ABCD3: variants seen among roughly 807,000 people sequenced by gnomAD.
ABCD3 encodes ATP-binding cassette sub-family D member 3.
In ABCD3, 41 loss-of-function variants were observed where a neutral mutation model predicts 105.5. The ratio of observed to expected loss-of-function variants is 0.39; its 90% CI spans 0.30 to 0.50. The LOEUF is 0.50. Among genes scored for constraint, ABCD3 ranks in the 20% least tolerant of loss-of-function variants. The probability of loss-of-function intolerance (pLI) is 0.84; values close to 1 mark genes in which losing one functional copy is unlikely to be tolerated. For synonymous variants in ABCD3, 258 were observed against 269.0 expected (o/e 0.96, Z 0.40); for missense variants, 622 against 806.3 (o/e 0.77, Z 2.77).
intron 10 of ABCD3, among the ~76,000 whole-genome samples, chr1:94,487,128 A>G (rs1442578170): frequency 6.6e-6 from 1 of 152,184 alleles, no homozygotes; most frequent in Non-Finnish European, 1.5e-5. Context: ...CTCCACTGAA[A>G]GCAAAGCATT....
Position 94,498,815 on chromosome 1 carries a change from A to G in ABCD3, c.1497A>G (p.Lys499=). 1 of 1,613,950 alleles carries G rather than the reference A, an allele frequency of 6.2e-7. No homozygotes were observed. The highest frequency in any genetic ancestry group is 8.5e-7 in the Non-Finnish European group (1 of 1,179,934). ...CTCTTTTTGGAGGACGTCTAACTAA[A>G]CCTGAAAGAGGAAAATTATTTTATG... ...LWPLFGGRLT[K]PERGKLFYVP... is the part of the protein sequence containing the mutation. The change falls in exon 18 of 23, where the codon AAA becomes AAG. Residue 499 remains lysine, a synonymous_variant. Transcript: ENST00000370214.
intron 16 of ABCD3, among the ~76,000 whole-genome samples, chr1:94,493,192 A>T (rs571412544): frequency 9.0e-3 from 1,178 of 131,402 alleles, no homozygotes; most frequent in African/African-American, 0.015. Context: ...TTCGCAACCT[A>T]CTCATCTGAC....
At chr1:94,410,939 T>A in the ABCD3 span, among the ~76,000 whole-genome samples, 1 of 151,964 alleles carries the variant, frequency 6.6e-6, no homozygotes, top group African/African-American at 2.4e-5. Flanking sequence ...TGCCAAAGAG[T>A]GACACTGGGC....
intron 1 of ABCD3, among the ~76,000 whole-genome samples, chr1:94,431,369 A>G (rs1254998778): frequency 6.6e-6 from 1 of 152,228 alleles, no homozygotes; most frequent in African/African-American, 2.4e-5. Flanking sequence ...CCACCAAGTC[A>G]AAGTCGAGTG....
chr1:94,399,673 C>A, the ABCD3 span, among the ~76,000 whole-genome samples: 1 of 152,160 alleles, frequency 6.6e-6, no homozygotes, highest in Non-Finnish European at 1.5e-5. Flanking sequence ...CAATCTGCAA[C>A]CCAAATATGG....
At chr1:94,476,748 A>G (rs1232666788) in intron 7 of ABCD3, among the ~76,000 whole-genome samples, 1 of 152,144 alleles carries the variant, frequency 6.6e-6, no homozygotes, top group African/African-American at 2.4e-5. Flanking sequence ...CTTCCAGCCC[A>G]ACTTTGTTAT....
At chr1:94,479,431 A>G (rs947795089) in intron 8 of ABCD3, among the ~76,000 whole-genome samples, 1 of 149,686 alleles carries the variant, frequency 6.7e-6, no homozygotes, top group African/African-American at 2.4e-5. Flanking sequence ...GATCAGATTT[A>G]CTTTTTTTTT....
chr1:94,504,665 T>C (rs536860981), intron 20 of ABCD3, among the ~76,000 whole-genome samples: 2 of 152,120 alleles, frequency 1.3e-5, no homozygotes, highest in Non-Finnish European at 2.9e-5. Flanking sequence ...TTGTAGACTG[T>C]GGTAAGGAGT....
In ABCD3 at chr1:94,517,293, T is replaced by A; in HGVS notation, c.*164T>A. On this transcript the variant is annotated 3_prime_UTR_variant, in exon 23 of 23. Coordinates refer to ENST00000370214, the MANE Select transcript of ABCD3 (RefSeq NM_002858.4). ...TAATGGAGAACAAGTTGTTAAAACA[T>A]TTAATATTATATAGGATATTGCTAA... The A allele has an allele frequency of 1.7e-6, 1 of 587,300 alleles. No individual in the cohort carries two copies. The highest frequency in any genetic ancestry group is 1.9e-5 in the South Asian group (1 of 52,928). 36.4% of individuals were successfully genotyped at this position (587,300 alleles called of 1,614,324 possible).
At position 94,487,723 on chromosome 1, in the gene ABCD3, G is replaced by A; in HGVS notation, c.997G>A (p.Val333Ile). ...YLATVVGYLV[V>I]SRPFLDLSHP... ...TGCCACTGTTGTTGGTTACCTAGTT[G>A]TCAGTCGCCCTTTCTTAGATTTGTC... The change falls in exon 12 of 23, where the codon GTC (valine) becomes ATC (isoleucine). Residue 333 changes from valine to isoleucine, a missense_variant. By Grantham distance (29) the Val-to-Ile change is conservative. This residue lies in a region of ABCD3 where 245 missense variants were observed against 356.4 expected (regional missense o/e 0.69). Transcript: ENST00000370214. The A allele has an allele frequency of 6.2e-7, 1 of 1,614,006 alleles. No homozygotes were observed.
chr1:94,414,464 A>G (rs1340703692), upstream of ABCD3, among the ~76,000 whole-genome samples: 3 of 152,042 alleles, frequency 2.0e-5, no homozygotes, highest in Admixed American at 2.0e-4. Context: ...AGACTATTTC[A>G]TGTGTTCAAA....
At chr1:94,432,053 C>T (rs571071176) in intron 1 of ABCD3, among the ~76,000 whole-genome samples, 1 of 152,236 alleles carries the variant, frequency 6.6e-6, no homozygotes, top group Non-Finnish European at 1.5e-5. Flanking sequence ...TATTTTATGA[C>T]TGGTTCAAGA....
At chr1:94,425,281 A>G (rs1207163210) in intron 1 of ABCD3, among the ~76,000 whole-genome samples, 1 of 152,196 alleles carries the variant, frequency 6.6e-6, no homozygotes, top group Non-Finnish European at 1.5e-5. Flanking sequence ...TTCTGTATTT[A>G]TGTGCATTTT....
At chr1:94,456,253 GA>G (rs1647554068) in intron 1 of ABCD3, among the ~76,000 whole-genome samples, 6 of 113,684 alleles carry the variant, frequency 5.3e-5, no homozygotes, top group African/African-American at 2.0e-4. Flanking sequence ...GCAAATGACA[GA>G]ATTTTTTTTT....
chr1:94,426,848 ATTT>A lies in ABCD3; in HGVS notation c.110+8281_110+8283del, dbSNP rs67942477. Reference sequence around the variant, plus strand: ...GTGAGAGCTACCGCGCCCAGCCTGAATTTTTTTTTTTTTTTTTTTTTTTAAACC... The same window carrying A: ...GTGAGAGCTACCGCGCCCAGCCTGAATTTTTTTTTTTTTTTTTTTTAAACC... On this transcript the variant is annotated intron_variant, in intron 1 of 22. Coordinates refer to ENST00000370214, the MANE Select transcript of ABCD3 (RefSeq NM_002858.4). Among the ~76,000 whole-genome samples, 1,064 of 131,574 alleles carry A rather than the reference ATTT, an allele frequency of 8.1e-3. 11 individuals are homozygous for A. The highest frequency in any genetic ancestry group is 0.023 in the African/African-American group (813 of 35,060). 86.3% of individuals were successfully genotyped at this position (131,574 alleles called of 152,430 possible).
the ABCD3 span, among the ~76,000 whole-genome samples, chr1:94,386,131 C>G: frequency 6.6e-6 from 1 of 152,102 alleles, no homozygotes; most frequent in African/African-American, 2.4e-5. Flanking sequence ...CCCACAGCTG[C>G]CAAAGCCACA....
At chr1:94,515,745 G>A (rs1486896478) in intron 22 of ABCD3, among the ~76,000 whole-genome samples, 1 of 151,908 alleles carries the variant, frequency 6.6e-6, no homozygotes. Context: ...CACTATGTCA[G>A]TTCTTTTCAA....
the ABCD3 span, among the ~76,000 whole-genome samples, chr1:94,385,973 G>A: frequency 3.4e-5 from 5 of 148,480 alleles, 1 homozygote; most frequent in South Asian, 4.3e-4. Flanking sequence ...TACCTGATAC[G>A]TACTATAGTT....
chr1:94,439,959 C>A (rs1660073715), intron 1 of ABCD3, among the ~76,000 whole-genome samples: 1 of 152,184 alleles, frequency 6.6e-6, no homozygotes. Flanking sequence ...GCCTTGAACT[C>A]CTGGCCTCAA....
Sources: allele counts gnomAD v4.1 joint callset (sites outside exome capture counted in the v4.1 genomes callset), GRCh38; gene constraint gnomAD v4.1.1; regional missense constraint gnomAD v4.1.1; transcripts MANE v1.5; gene names NCBI Gene and HGNC (gene_info 2026-07-23, HGNC 2026-07-21).